Variants in PLCL1 observed in about 807,000 individuals in gnomAD.
PLCL1 encodes phospholipase C like 1 (inactive), also known as inactive phospholipase C-like protein 1.
Under a neutral mutation model 84.4 loss-of-function variants are expected in PLCL1, and 41 were observed. The observed-to-expected ratio is 0.49, with a 90% CI of 0.38 to 0.63. The LOEUF (loss-of-function observed/expected upper bound fraction) is 0.63, where lower values mean the gene tolerates loss of function less well. Among genes scored for constraint, PLCL1 ranks in the 30% least tolerant of loss-of-function variants. The probability of loss-of-function intolerance (pLI) is 0.00; values close to 1 mark genes in which losing one functional copy is unlikely to be tolerated. For missense variants in PLCL1, 1,206 were observed against 1,367.8 expected (o/e 0.88, Z 1.87); for synonymous variants, 490 against 488.3 (o/e 1.00, Z -0.05).
intron 1 of PLCL1, among the ~76,000 whole-genome samples, chr2:197,916,405 C>A (rs1688601325): frequency 1.3e-5 from 2 of 152,024 alleles, no homozygotes; most frequent in South Asian, 2.1e-4. Flanking sequence ...TAAACATGGG[C>A]AAGTTTCTTA....
chr2:197,982,119 A>G (rs997714563), intron 1 of PLCL1, among the ~76,000 whole-genome samples: 5 of 151,652 alleles, frequency 3.3e-5, no homozygotes, highest in African/African-American at 9.7e-5. Context: ...GTTATAATTC[A>G]ATTTGATTTA....
intron 1 of PLCL1, among the ~76,000 whole-genome samples, chr2:197,920,987 A>T (rs1688690012): frequency 6.6e-6 from 1 of 152,224 alleles, no homozygotes; most frequent in Non-Finnish European, 1.5e-5. Flanking sequence ...CGATTTTGTC[A>T]TCATACAAAC....
intron 5 of PLCL1, among the ~76,000 whole-genome samples, chr2:198,146,409 C>T (rs1384287483): frequency 1.3e-5 from 2 of 152,092 alleles, no homozygotes; most frequent in Non-Finnish European, 2.9e-5. Context: ...CTTGTTTTCT[C>T]CCAAGACTAG....
intron 5 of PLCL1, among the ~76,000 whole-genome samples, chr2:198,111,992 A>G (rs183862197): frequency 6.6e-6 from 1 of 152,004 alleles, no homozygotes; most frequent in Non-Finnish European, 1.5e-5. Flanking sequence ...GCAGAAAGCT[A>G]CAGCGAGAGA....
At chr2:197,868,765 C>T (rs1254880410) in intron 1 of PLCL1, among the ~76,000 whole-genome samples, 2 of 151,742 alleles carry the variant, frequency 1.3e-5, no homozygotes, top group South Asian at 2.1e-4. Flanking sequence ...ATCCACCCAC[C>T]TCAGCCTCCC....
chr2:197,853,124 C>T (rs1687270568), intron 1 of PLCL1, among the ~76,000 whole-genome samples: 1 of 152,158 alleles, frequency 6.6e-6, no homozygotes. Context: ...CAATATTTGT[C>T]CTTTTATGAC....
chr2:197,805,435 C>G lies in PLCL1; in HGVS notation c.240+96C>G, dbSNP rs890684809. On this transcript the variant is annotated intron_variant, in intron 1 of 5. Coordinates refer to ENST00000428675, the MANE Select transcript of PLCL1 (RefSeq NM_006226.4). The surrounding 1 kb of genome is among the most constrained non-coding windows in gnomAD (Gnocchi z 4.0). ...TGCGGTGTCCGGAGGCATCCGGGCT[C>G]AGCATTGTTTTCTCCCACCTCCTTC... is the stretch of plus-strand genomic sequence containing the variant. 3 of 1,156,530 alleles carry G rather than the reference C, an allele frequency of 2.6e-6. No individual in the cohort carries two copies. The highest frequency in any genetic ancestry group is 3.4e-5 in the South Asian group (1 of 29,182). The allele number at this position is 1,156,530 out of a possible 1,614,324, so 71.6% of individuals were successfully genotyped here.
At chr2:198,027,929 G>C (rs902840053) in intron 1 of PLCL1, among the ~76,000 whole-genome samples, 3 of 152,062 alleles carry the variant, frequency 2.0e-5, no homozygotes, top group Admixed American at 6.6e-5. Context: ...AAACTCCTGA[G>C]CTCAAGTGAT....
chr2:197,808,160 T>C (rs1690518879), intron 1 of PLCL1, among the ~76,000 whole-genome samples: 1 of 152,214 alleles, frequency 6.6e-6, no homozygotes, highest in Non-Finnish European at 1.5e-5. Flanking sequence ...TACTTTTTCC[T>C]ATATTTTTCT....
chr2:198,083,328 C>A (rs1166644530), intron 1 of PLCL1, among the ~76,000 whole-genome samples: 1 of 152,044 alleles, frequency 6.6e-6, no homozygotes, highest in Non-Finnish European at 1.5e-5. Context: ...TAAGGTAAAA[C>A]CTTTTATTTA....
rs138339556 is a variant in PLCL1, at chr2:197,902,035, T to C, written c.240+96696T>C. Among the ~76,000 whole-genome samples, 90 of 152,218 alleles carry C rather than the reference T, an allele frequency of 5.9e-4. 4 individuals carry two copies. In the South Asian group the frequency reaches 0.014, roughly 24 times the overall value. ...AGAAATCATATAAACCCTCATAAAC[T>C]CTTATTTTTAGAGGGAAAAAAGGAG... On this transcript the variant is annotated intron_variant, in intron 1 of 5. Transcript: ENST00000428675.
chr2:198,034,763 G>T (rs943768638), intron 1 of PLCL1, among the ~76,000 whole-genome samples: 1 of 152,138 alleles, frequency 6.6e-6, no homozygotes, highest in Non-Finnish European at 1.5e-5. Flanking sequence ...AATTTTTGTG[G>T]TCTAGGAAAT....
chr2:197,898,615 C>T (rs892115423), intron 1 of PLCL1, among the ~76,000 whole-genome samples: 2 of 151,662 alleles, frequency 1.3e-5, no homozygotes, highest in Non-Finnish European at 2.9e-5. Flanking sequence ...TTCTATCTGA[C>T]AAGTACCTGT....
At chr2:197,964,423 G>T (rs188745320) in intron 1 of PLCL1, among the ~76,000 whole-genome samples, 18 of 152,162 alleles carry the variant, frequency 1.2e-4, no homozygotes. Context: ...ATATAGACAT[G>T]CTACTGATTG....
intron 5 of PLCL1, among the ~76,000 whole-genome samples, chr2:198,134,866 T>C (rs1021480672): frequency 6.6e-6 from 1 of 152,156 alleles, no homozygotes; most frequent in African/African-American, 2.4e-5. Context: ...TTGTGATCAG[T>C]TCACTCTATG....
intron 1 of PLCL1, among the ~76,000 whole-genome samples, chr2:197,850,945 T>G (rs1242181752): frequency 1.3e-5 from 2 of 152,208 alleles, no homozygotes; most frequent in African/African-American, 4.8e-5. Flanking sequence ...ACAAACTTTC[T>G]TATATACCGT....
chr2:198,059,700 G>T (rs952610156), intron 1 of PLCL1, among the ~76,000 whole-genome samples: 7 of 152,132 alleles, frequency 4.6e-5, no homozygotes, highest in African/African-American at 2.4e-5. Flanking sequence ...AGAATTTTAA[G>T]TACAATCATG....
At chr2:197,927,378 C>T (rs1688851120) in intron 1 of PLCL1, among the ~76,000 whole-genome samples, 1 of 152,116 alleles carries the variant, frequency 6.6e-6, no homozygotes, top group African/African-American at 2.4e-5. Flanking sequence ...GTCAGTGAGC[C>T]CCTCCTCAAT....
At chr2:197,885,022 A>G (rs1367606724) in intron 1 of PLCL1, among the ~76,000 whole-genome samples, 1 of 152,152 alleles carries the variant, frequency 6.6e-6, no homozygotes. Flanking sequence ...TAAACTCATC[A>G]TCTACCCCTT....
Sources: gnomAD v4.1 joint callset for allele counts (sites outside exome capture counted in the v4.1 genomes callset) on GRCh38, gnomAD v4.1.1 for gene constraint, Gnocchi (gnomAD v3.1) non-coding constraint, MANE v1.5 for transcripts, NCBI Gene and HGNC (gene_info 2026-07-23, HGNC 2026-07-21) for gene names.